Variants in JAZF1 observed in about 807,000 individuals in gnomAD.
JAZF1 encodes JAZF zinc finger 1.
A neutral mutation model predicts 26.4 loss-of-function variants in JAZF1; 8 were observed. That is an observed-to-expected ratio of 0.30 (90% CI 0.18 to 0.55). The LOEUF is 0.55. Among genes scored for constraint, JAZF1 ranks in the 20% least tolerant of loss-of-function variants. The probability of loss-of-function intolerance (pLI) is 0.94; values close to 1 mark genes in which losing one functional copy is unlikely to be tolerated. For missense variants in JAZF1, 199 were observed against 322.0 expected, an observed-to-expected ratio of 0.62 and a Z score of 2.92; for synonymous variants, 126 against 122.3, an observed-to-expected ratio of 1.03 and a Z score of -0.20.
chr7:28,090,875 G>A (rs1248367745), intron 1 of JAZF1, among the ~76,000 whole-genome samples: 2 of 142,648 alleles, frequency 1.4e-5, no homozygotes, highest in Admixed American at 1.5e-4. Flanking sequence ...GCCGGACTGC[G>A]GACTGCAGTG....
In JAZF1 at chr7:28,151,806, G is replaced by A. The variant is rs769811918; in HGVS notation, c.115+28657C>T. On this transcript the variant is annotated intron_variant, in intron 1 of 4. Coordinates refer to ENST00000283928, the MANE Select transcript of JAZF1 (RefSeq NM_175061.4). ...AATTCCATCTCAAAAAAAAAACACA[G>A]AGGATAAAATCTTTTAATTTTTAAA... Among the ~76,000 whole-genome samples, 553 of 151,634 alleles carry A rather than the reference G, an allele frequency of 3.6e-3. 2 individuals carry two copies. The highest frequency in any genetic ancestry group is 6.1e-3 in the Admixed American group (93 of 15,254).
intron 2 of JAZF1, among the ~76,000 whole-genome samples, chr7:27,948,997 C>A (rs533878702): frequency 6.6e-6 from 1 of 152,322 alleles, no homozygotes; most frequent in African/African-American, 2.4e-5. Flanking sequence ...CACAAACTCA[C>A]AAGGCTGCAT....
intron 1 of JAZF1, among the ~76,000 whole-genome samples, chr7:28,112,042 C>G (rs1477443937): frequency 4.6e-5 from 7 of 152,200 alleles, no homozygotes; most frequent in Non-Finnish European, 1.0e-4. Flanking sequence ...GTTTCCAGAG[C>G]TTGACTGGTG....
intron 3 of JAZF1, among the ~76,000 whole-genome samples, chr7:27,882,704 G>T (rs1783793750): frequency 6.6e-6 from 1 of 152,088 alleles, no homozygotes; most frequent in Non-Finnish European, 1.5e-5. Context: ...GGTGTGCCTG[G>T]GGATCATTTT....
At chr7:28,097,091 T>C (rs1425006485) in intron 1 of JAZF1, among the ~76,000 whole-genome samples, 1 of 152,058 alleles carries the variant, frequency 6.6e-6, no homozygotes, top group African/African-American at 2.4e-5. Flanking sequence ...ATGCATTAAG[T>C]TAACAATAAT....
Position 28,134,755 on chromosome 7 carries a change from T to C in JAZF1, c.115+45708A>G, listed in dbSNP as rs934574309. Among the ~76,000 whole-genome samples the C allele has an allele frequency of 1.2e-4, 18 of 152,112 alleles. 1 individual carries two copies. Among genetic ancestry groups the C allele is most frequent in the East Asian group, 1.9e-4 (1 of 5,190 alleles). The stretch of plus-strand genomic sequence containing the variant: ...ACCCAAATGATATAAGAAGAGAGAA[T>C]TGAAAAATATGTGTATATAGGTGTG... On this transcript the variant is annotated intron_variant, in intron 1 of 4. Coordinates refer to ENST00000283928, the MANE Select transcript of JAZF1 (RefSeq NM_175061.4).
chr7:27,993,926 A>T (rs923263914), intron 1 of JAZF1, among the ~76,000 whole-genome samples: 2 of 152,210 alleles, frequency 1.3e-5, no homozygotes, highest in African/African-American at 4.8e-5. Flanking sequence ...GAGGCCCATA[A>T]ACATTTTTAT....
chr7:28,100,504 G>C (rs1784457062), intron 1 of JAZF1, among the ~76,000 whole-genome samples: 1 of 152,112 alleles, frequency 6.6e-6, no homozygotes, highest in East Asian at 1.9e-4. Flanking sequence ...GGTACTTTCA[G>C]ATGGATGGAA....
At chr7:27,880,428 T>A (rs1372941976) in intron 3 of JAZF1, among the ~76,000 whole-genome samples, 2 of 151,758 alleles carry the variant, frequency 1.3e-5, no homozygotes, top group Non-Finnish European at 2.9e-5. Flanking sequence ...AGGTCAGGAG[T>A]TTGAGACCAG....
intron 1 of JAZF1, among the ~76,000 whole-genome samples, chr7:28,145,777 C>A (rs1357035167): frequency 6.6e-6 from 1 of 151,974 alleles, no homozygotes; most frequent in Admixed American, 6.5e-5. Flanking sequence ...CTTCTTCGTA[C>A]AATCTCCTTC....
intron 2 of JAZF1, among the ~76,000 whole-genome samples, chr7:27,945,722 G>A (rs1432236542): frequency 2.0e-5 from 3 of 152,182 alleles, no homozygotes; most frequent in African/African-American, 4.8e-5. Flanking sequence ...TGCACTTTAA[G>A]TTTAAGAAGC....
chr7:28,033,734 T>C lies in JAZF1; in HGVS notation c.116-41753A>G, dbSNP rs568144143. On this transcript the variant is annotated intron_variant, in intron 1 of 4. Transcript: ENST00000283928. Reference sequence around the variant, plus strand: ...TGCTAAACTTGTAATTGTGGTACTCTATGGGAACTCTTTTTTGGGGGGGCA... The same window carrying C: ...TGCTAAACTTGTAATTGTGGTACTCCATGGGAACTCTTTTTTGGGGGGGCA... Among the ~76,000 whole-genome samples, 20 of 152,278 alleles carry C rather than the reference T, an allele frequency of 1.3e-4. No individual in the cohort carries two copies. In the East Asian group the frequency reaches 3.7e-3, roughly 28 times the overall value.
At chr7:27,904,649 A>G (rs867375625) in intron 2 of JAZF1, among the ~76,000 whole-genome samples, 1 of 130,548 alleles carries the variant, frequency 7.7e-6, no homozygotes, top group Non-Finnish European at 1.7e-5. Flanking sequence ...GAAGCTTCAT[A>G]GAACTTTTGC....
At chr7:28,102,978 C>T (rs1474770385) in intron 1 of JAZF1, among the ~76,000 whole-genome samples, 1 of 152,192 alleles carries the variant, frequency 6.6e-6, no homozygotes, top group African/African-American at 2.4e-5. Context: ...TCAGCTCTTC[C>T]CCAGCCACAG....
chr7:28,171,813 C>A (rs1783473368), intron 1 of JAZF1, among the ~76,000 whole-genome samples: 1 of 152,092 alleles, frequency 6.6e-6, no homozygotes, highest in Admixed American at 6.5e-5. Flanking sequence ...GCTGTGAGGG[C>A]CAATGAAATA....
Position 27,895,350 on chromosome 7 carries a change from C to T in JAZF1, c.255G>A (p.Ser85=), listed in dbSNP as rs1169331149. The change falls in exon 3 of 5, where the codon TCG becomes TCA. Residue 85 remains serine (S), a synonymous_variant. Coordinates refer to ENST00000283928, the MANE Select transcript of JAZF1 (RefSeq NM_175061.4). ...SLKKKIQPKL[S]LTLSSSVSRG... is the part of the protein sequence containing the mutation. ...GAGACACTGAGCTGGACAGAGTCAG[C>T]GAGAGCTTCGGCTGAATCTTCTTCT... The T allele has an allele frequency of 2.2e-5, 35 of 1,608,660 alleles. No individual in the cohort carries two copies. The highest frequency in any genetic ancestry group is 1.6e-4 in the Middle Eastern group (1 of 6,072).
chr7:28,080,370 A>G (rs1011395558), intron 1 of JAZF1, among the ~76,000 whole-genome samples: 7 of 152,228 alleles, frequency 4.6e-5, no homozygotes, highest in Admixed American at 4.6e-4. Context: ...CCTATCAGCA[A>G]TAAAGCTGTT....
intron 2 of JAZF1, among the ~76,000 whole-genome samples, chr7:27,940,893 T>A (rs1784837024): frequency 6.6e-6 from 1 of 152,236 alleles, no homozygotes; most frequent in African/African-American, 2.4e-5. Flanking sequence ...CTGTAAATTA[T>A]AAGCAAGTAC....
At chr7:27,834,229 G>A (rs2128329852) in intron 4 of JAZF1, among the ~76,000 whole-genome samples, 1 of 152,340 alleles carries the variant, frequency 6.6e-6, no homozygotes, top group East Asian at 1.9e-4. Context: ...GTCTTTGTGA[G>A]TGAATGAAGT....
Sources: gnomAD v4.1 joint callset for allele counts (sites outside exome capture counted in the v4.1 genomes callset) on GRCh38, gnomAD v4.1.1 for gene constraint, MANE v1.5 for transcripts, NCBI Gene and HGNC (gene_info 2026-07-23, HGNC 2026-07-21) for gene names.